Variants in KSR1 observed in about 807,000 individuals in gnomAD.
KSR1 encodes kinase suppressor of ras 1.
Under a neutral mutation model 92.9 loss-of-function variants are expected in KSR1, and 35 were observed. That is an observed-to-expected ratio of 0.38 (90% CI 0.29 to 0.50). The LOEUF (loss-of-function observed/expected upper bound fraction) is 0.50, where lower values mean the gene tolerates loss of function less well. KSR1 is among the 20% of genes least tolerant of loss of function. KSR1 has a pLI of 0.94. For synonymous variants in KSR1, 467 were observed against 472.6 expected, an observed-to-expected ratio of 0.99 and a Z score of 0.15; for missense variants, 972 against 1,158.5, an observed-to-expected ratio of 0.84 and a Z score of 2.34.
chr17:27,458,702 C>T (rs1387017312), intron 1 of KSR1, among the ~76,000 whole-genome samples: 1 of 152,188 alleles, frequency 6.6e-6, no homozygotes. Flanking sequence ...TCTGCAGCTC[C>T]CTGTTCTTCC....
Position 27,577,977 on chromosome 17 carries a change from T to TA in KSR1, c.520+338_520+339insA, listed in dbSNP as rs2072586826. The TA allele has an allele frequency of 4.8e-6, 2 of 417,370 alleles. No individual in the cohort carries two copies. Among genetic ancestry groups the TA allele is most frequent in the Non-Finnish European group, 9.0e-6 (2 of 221,480 alleles). The allele number at this position is 417,370 out of a possible 1,614,324, so 25.9% of individuals were successfully genotyped here. A position where few individuals can be genotyped will look rare whatever the true frequency, so the allele number is the denominator to read the frequency against. On this transcript the variant is annotated intron_variant, in intron 3 of 20. Coordinates refer to ENST00000644974, the MANE Select transcript of KSR1 (RefSeq NM_001394583.1). This position sits in a 1 kb window ranked among gnomAD's most constrained non-coding sequence, Gnocchi z 4.5. ...CTTCCCACATTCCAGCCCCCAGCCC[T>TA]CTCCCCGTCTTCTCCTGTCCCCATT...
At chr17:27,561,325 GTCTC>G (rs1410482485) in intron 2 of KSR1, among the ~76,000 whole-genome samples, 2 of 152,192 alleles carry the variant, frequency 1.3e-5, no homozygotes, top group Non-Finnish European at 2.9e-5. Flanking sequence ...GTGCACGTGT[GTCTC>G]TCTCTTCCCC....
At chr17:27,590,659 G>C (rs1403320) in intron 6 of KSR1, among the ~76,000 whole-genome samples, 152 bp from the exon 7 acceptor site, 87,956 of 152,092 alleles carry the variant, frequency 0.58, 25,553 homozygotes, top group Admixed American at 0.68. Flanking sequence ...GCAGTGGCCC[G>C]TGGGTATCTC....
intron 1 of KSR1, among the ~76,000 whole-genome samples, chr17:27,509,463 G>A (rs953476278): frequency 6.6e-6 from 1 of 151,680 alleles, no homozygotes; most frequent in Non-Finnish European, 1.5e-5. Flanking sequence ...GCTATTTTTT[G>A]TATTTTTAGG....
chr17:27,464,444 A>T (rs1362387581), intron 1 of KSR1, among the ~76,000 whole-genome samples: 1 of 152,144 alleles, frequency 6.6e-6, no homozygotes, highest in Admixed American at 6.5e-5. Flanking sequence ...GTTTGTCTTA[A>T]AAGTTCATGC....
intron 1 of KSR1, among the ~76,000 whole-genome samples, chr17:27,530,110 G>A (rs950947945): frequency 1.3e-5 from 2 of 152,136 alleles, no homozygotes; most frequent in Non-Finnish European, 2.9e-5. Context: ...TTATGAAATT[G>A]CTCTCTTCCT....
chr17:27,560,552 A>G, intron 2 of KSR1: 1 of 510,748 alleles, frequency 2.0e-6, no homozygotes, highest in South Asian at 1.4e-5. Context: ...GCCTTCTCCC[A>G]GAGATGGGGG....
intron 1 of KSR1, chr17:27,526,892 G>A (rs1303523865): frequency 1.6e-6 from 1 of 643,856 alleles, no homozygotes; most frequent in Non-Finnish European, 2.8e-6. Context: ...GCATGCTGGT[G>A]ATCTCCTTCC....
intron 2 of KSR1, 130 bp downstream of exon 2, chr17:27,550,838 A>G (rs1322857254): frequency 4.8e-6 from 3 of 621,812 alleles, no homozygotes; most frequent in Non-Finnish European, 8.9e-6. Context: ...GAGAAGGAGG[A>G]TGGGGAGGGA....
chr17:27,466,380 A>G (rs758277681), intron 1 of KSR1, among the ~76,000 whole-genome samples: 3 of 152,224 alleles, frequency 2.0e-5, no homozygotes, highest in Non-Finnish European at 2.9e-5. Context: ...GCATCACATT[A>G]GCACTTAAAT....
chr17:27,592,937 G>A (rs1239286069), intron 9 of KSR1, among the ~76,000 whole-genome samples: 1 of 152,166 alleles, frequency 6.6e-6, no homozygotes, highest in Non-Finnish European at 1.5e-5. Flanking sequence ...GGTACATATG[G>A]ATCCATTTCA....
At chr17:27,462,559 T>C (rs1296452252) in intron 1 of KSR1, among the ~76,000 whole-genome samples, 1 of 152,206 alleles carries the variant, frequency 6.6e-6, no homozygotes, top group Non-Finnish European at 1.5e-5. Context: ...TCTACGCTTG[T>C]CTCATTCTGA....
At chr17:27,564,746 C>T (rs1488523315) in intron 2 of KSR1, among the ~76,000 whole-genome samples, 5 of 142,010 alleles carry the variant, frequency 3.5e-5, no homozygotes, top group Admixed American at 1.4e-4. Flanking sequence ...ACCCCCCCCC[C>T]CCACCTCCCC....
At chr17:27,500,007 C>G (rs918468765) in intron 1 of KSR1, among the ~76,000 whole-genome samples, 1 of 152,190 alleles carries the variant, frequency 6.6e-6, no homozygotes, top group African/African-American at 2.4e-5. Flanking sequence ...GTGCTGCTGT[C>G]ATCTTGAGAG....
Position 27,611,637 on chromosome 17 carries a change from G to A in KSR1, c.2493+8G>A. The A allele has an allele frequency of 6.2e-7, 1 of 1,613,768 alleles. No individual in the cohort carries two copies. Among genetic ancestry groups the A allele is most frequent in the South Asian group, 1.1e-5 (1 of 91,070 alleles). The stretch of plus-strand genomic sequence containing the variant: ...TTGGGGAAGGAAGTCAGTGTAAGTA[G>A]TACCTGCCCTGGGTGGAGCAGTAGG... On this transcript the variant is annotated splice_region_variant and intron_variant, in intron 18 of 20. Transcript: ENST00000644974.
At chr17:27,557,079 G>A (rs1443590060) in intron 2 of KSR1, among the ~76,000 whole-genome samples, 3 of 152,128 alleles carry the variant, frequency 2.0e-5, no homozygotes, top group African/African-American at 4.8e-5. Context: ...GTCAAGCTTC[G>A]GGAGGGACCT....
intron 2 of KSR1, chr17:27,560,450 G>A (rs745625662): frequency 3.9e-6 from 2 of 519,034 alleles, no homozygotes; most frequent in East Asian, 5.4e-5. Flanking sequence ...AGATGCAGGC[G>A]GATCTGGTAA....
At chr17:27,579,911 A>AAAAAAAT (rs35343726) in intron 3 of KSR1, 6 of 149,294 alleles carry the variant, frequency 4.0e-5, no homozygotes, top group Non-Finnish European at 5.9e-5. Flanking sequence ...AAAAAAAAAA[A>AAAAAAAT]GTGAGTGAAG....
In KSR1 at chr17:27,571,817, G is replaced by A. The variant is rs532223870; in HGVS notation, c.373-5675G>A. Among the ~76,000 whole-genome samples the A allele has an allele frequency of 7.9e-5, 12 of 152,356 alleles. No homozygotes were observed. In the East Asian group the frequency reaches 1.5e-3, roughly 20 times the overall value. On this transcript the variant is annotated intron_variant, in intron 2 of 20. Transcript: ENST00000644974. ...TTGTATACGTGGCCGGTACAGCAGCGGTGCCGCCCCTGGCATTTTCCTGGT... is the reference window on the plus strand; with the variant it reads ...TTGTATACGTGGCCGGTACAGCAGCAGTGCCGCCCCTGGCATTTTCCTGGT...
Sources: gnomAD v4.1 joint callset for allele counts (sites outside exome capture counted in the v4.1 genomes callset) on GRCh38, gnomAD v4.1.1 for gene constraint, Gnocchi (gnomAD v3.1) non-coding constraint, MANE v1.5 for transcripts, NCBI Gene and HGNC (gene_info 2026-07-23, HGNC 2026-07-21) for gene names.